Variants in RNF213 observed in about 807,000 individuals in gnomAD.
RNF213 encodes the protein ring finger protein 213.
A neutral mutation model predicts 514.4 loss-of-function variants in RNF213; 341 were observed. That is an observed-to-expected ratio of 0.66 (90% CI 0.61 to 0.73). RNF213 has a LOEUF of 0.73. Among genes scored for constraint, RNF213 ranks in the 30% least tolerant of loss-of-function variants. The pLI is 0.00. For missense variants in RNF213, 5,767 were observed against 6,615.6 expected (o/e 0.87, Z 4.45); for synonymous variants, 2,655 against 2,658.2 (o/e 1.00, Z 0.04).
Position 80,354,592 on chromosome 17 carries a change from G to C in RNF213, c.10862+16G>C. On this transcript the variant is annotated intron_variant, in intron 36 of 67. Coordinates refer to ENST00000582970, the MANE Select transcript of RNF213 (RefSeq NM_001256071.3). ...GCACATTCAGGTACTGTGACTAAAGGAAGCAAGGAGTGGCTCCAATCTGGT... is the reference window on the plus strand; with the variant it reads ...GCACATTCAGGTACTGTGACTAAAGCAAGCAAGGAGTGGCTCCAATCTGGT... 6.2e-7 allele frequency: 1 copy of C among 1,614,048 alleles called. No individual in the cohort carries two copies. Among genetic ancestry groups the C allele is most frequent in the South Asian group, 1.1e-5 (1 of 91,078 alleles).
chr17:80,370,456 A>G (rs187502526), intron 46 of RNF213, among the ~76,000 whole-genome samples: 17 of 152,312 alleles, frequency 1.1e-4, no homozygotes, highest in Non-Finnish European at 1.6e-4. Context: ...TTTTTAAAAA[A>G]CATGTTGATA....
rs370354970 is a variant in RNF213, at chr17:80,263,180, C to G, written c.-108-394C>G. 1.8e-4 allele frequency among the ~76,000 whole-genome samples: 27 copies of G among 152,302 alleles called. No individual in the cohort carries two copies. Among genetic ancestry groups the G allele is most frequent in the East Asian group, 1.5e-3 (8 of 5,186 alleles). ...TGTGGATGGCAGCCTCCCCCCATTA[C>G]TAGGAATCTGACTGCCAGCCCAGTA... On this transcript the variant is annotated intron_variant, in intron 1 of 67. Coordinates refer to ENST00000582970, the MANE Select transcript of RNF213 (RefSeq NM_001256071.3). This position sits in a 1 kb window ranked among gnomAD's most constrained non-coding sequence, Gnocchi z 4.9.
At chr17:80,300,274 T>G (rs2045128244) in intron 11 of RNF213, among the ~76,000 whole-genome samples, 1 of 152,164 alleles carries the variant, frequency 6.6e-6, no homozygotes, top group Admixed American at 6.5e-5. Flanking sequence ...CACTGTTTTT[T>G]TTTTTTAAGA....
intron 11 of RNF213, among the ~76,000 whole-genome samples, chr17:80,302,132 G>T (rs1251927064): frequency 1.3e-5 from 2 of 152,214 alleles, no homozygotes; most frequent in African/African-American, 4.8e-5. Context: ...GGCGAGGAAG[G>T]ATGGGGAGAG....
At chr17:80,328,617 G>C (rs2046338460) in intron 20 of RNF213, 140 bp downstream of exon 20, 10 of 737,014 alleles carry the variant, frequency 1.4e-5, no homozygotes, top group Non-Finnish European at 2.1e-5. Flanking sequence ...TTTGCTGGGG[G>C]GATCGCTTTC....
At chr17:80,391,883 G>C (rs759486964) in intron 67 of RNF213, among the ~76,000 whole-genome samples, 1 of 142,986 alleles carries the variant, frequency 7.0e-6, no homozygotes, top group Non-Finnish European at 1.5e-5. Context: ...CGATTCTCCT[G>C]CCTCAGCCTC....
chr17:80,363,956 G>C (rs914260208), intron 41 of RNF213, among the ~76,000 whole-genome samples, 166 bp downstream of exon 41: 4 of 152,246 alleles, frequency 2.6e-5, no homozygotes, highest in African/African-American at 9.6e-5. Flanking sequence ...GTGAGTGCCA[G>C]GCGTCTCATT....
intron 14 of RNF213, among the ~76,000 whole-genome samples, chr17:80,311,450 G>A (rs2045569733): frequency 6.6e-6 from 1 of 152,186 alleles, no homozygotes; most frequent in Non-Finnish European, 1.5e-5. Context: ...CCATTGGGGG[G>A]ACCTTCAGCA....
chr17:80,353,189 A>G lies in RNF213; in HGVS notation c.10423+130A>G. 2 of 1,266,182 alleles carry G rather than the reference A, an allele frequency of 1.6e-6. No individual in the cohort carries two copies. The highest frequency in any genetic ancestry group is 2.5e-5 in the South Asian group (2 of 79,214). 78.4% of individuals were successfully genotyped at this position (1,266,182 alleles called of 1,614,324 possible). ...CGTCCCTCGGCAGGAGCTCGGGGAC[A>G]CATCTGCAGAACTGACTGGTGGCTC... On this transcript the variant is annotated intron_variant, in intron 33 of 67. Transcript: ENST00000582970. The surrounding 1 kb of genome is among the most constrained non-coding windows in gnomAD (Gnocchi z 5.0).
Position 80,379,605 on chromosome 17 carries a change from C to T in RNF213, c.13546-15C>T. On this transcript the variant is annotated splice_polypyrimidine_tract_variant and intron_variant, in intron 54 of 67. Coordinates refer to ENST00000582970, the MANE Select transcript of RNF213 (RefSeq NM_001256071.3). ...CTGCTCCAGAAGTGGTTCTAGTGCC[C>T]TGTCTTCACCCTAGTGTGGCAGGCC... 1 of 1,612,920 alleles carries T rather than the reference C, an allele frequency of 6.2e-7. No homozygotes were observed. The highest frequency in any genetic ancestry group is 8.5e-7 in the Non-Finnish European group (1 of 1,178,904).
At chr17:80,294,621 C>T in intron 8 of RNF213, 99 bp from the exon 9 acceptor site, 1 of 1,422,060 alleles carries the variant, frequency 7.0e-7, no homozygotes, top group South Asian at 1.2e-5. Flanking sequence ...CCATTTACTC[C>T]ATATCTGTAC....
chr17:80,376,804 C>G lies in RNF213; in HGVS notation c.13429-78C>G, dbSNP rs572380913. On this transcript the variant is annotated intron_variant, in intron 52 of 67. Coordinates refer to ENST00000582970, the MANE Select transcript of RNF213 (RefSeq NM_001256071.3). The stretch of plus-strand genomic sequence containing the variant: ...GGAAAGCAGAGTTCCCTTTCTTCCT[C>G]TAGGCCTCCTGCTGAGCAGCAGCAC... 1.1e-3 allele frequency: 1,495 copies of G among 1,302,134 alleles called. 2 individuals carry two copies. The highest frequency in any genetic ancestry group is 1.9e-3 in the Admixed American group (102 of 53,622). The allele number at this position is 1,302,134 out of a possible 1,614,324, so 80.7% of individuals were successfully genotyped here.
At chr17:80,372,072 T>C in intron 47 of RNF213, 87 bp downstream of exon 47, 1 of 823,642 alleles carries the variant, frequency 1.2e-6, no homozygotes, top group Non-Finnish European at 2.1e-6. Context: ...TTTTAGTCAG[T>C]ATAATTAACG....
At chr17:80,331,845 G>A (rs888846683) in intron 20 of RNF213, among the ~76,000 whole-genome samples, 161 bp from the exon 21 acceptor site, 2 of 152,224 alleles carry the variant, frequency 1.3e-5, no homozygotes, top group Non-Finnish European at 1.5e-5. Context: ...GGCCAAGCGG[G>A]GAGGGAAAGA....
In RNF213 at chr17:80,377,278, C is replaced by T. The variant is rs1599179229; in HGVS notation, c.13510+315C>T. ...CCACATCAGAGACGCATTCAAAGGC[C>T]CACCACAAAACAAAGTTTTTGACAC... is the stretch of plus-strand genomic sequence containing the variant. On this transcript the variant is annotated intron_variant, in intron 53 of 67. Coordinates refer to ENST00000582970, the MANE Select transcript of RNF213 (RefSeq NM_001256071.3). The surrounding 1 kb of genome is among the most constrained non-coding windows in gnomAD (Gnocchi z 4.1). The T allele has an allele frequency of 3.0e-5, 13 of 431,918 alleles. No individual in the cohort carries two copies. In the South Asian group the frequency reaches 3.0e-4, roughly 10 times the overall value. 26.8% of individuals were successfully genotyped at this position (431,918 alleles called of 1,614,324 possible). A position where few individuals can be genotyped will look rare whatever the true frequency, so the allele number is the denominator to read the frequency against.
At chr17:80,300,958 G>T (rs1211749756) in intron 11 of RNF213, among the ~76,000 whole-genome samples, 1 of 152,070 alleles carries the variant, frequency 6.6e-6, no homozygotes, top group East Asian at 1.9e-4. Context: ...GTCTGTTCAT[G>T]TCCTTTGCCC....
intron 17 of RNF213, 111 bp downstream of exon 17, chr17:80,319,423 A>G (rs1490024202): frequency 1.2e-6 from 2 of 1,614,170 alleles, no homozygotes. Context: ...CCGCTAACTC[A>G]GAGATTGGGA....
At position 80,361,726 on chromosome 17, in the gene RNF213, C is replaced by G; in HGVS notation, c.11201-8C>G. ...ACTCCAGGCCGCTCCTTGGTTTCCTCTCTGCAGGACTGCCCAAGAAGTTCG... is the reference window on the plus strand; with the variant it reads ...ACTCCAGGCCGCTCCTTGGTTTCCTGTCTGCAGGACTGCCCAAGAAGTTCG... On this transcript the variant is annotated splice_polypyrimidine_tract_variant and splice_region_variant and intron_variant, in intron 38 of 67. Coordinates refer to ENST00000582970, the MANE Select transcript of RNF213 (RefSeq NM_001256071.3). 6.2e-7 allele frequency: 1 copy of G among 1,612,954 alleles called. No individual in the cohort carries two copies. The highest frequency in any genetic ancestry group is 8.5e-7 in the Non-Finnish European group (1 of 1,179,404).
At chr17:80,279,039 G>A (rs1386782649) in intron 3 of RNF213, 35 of 1,227,786 alleles carry the variant, frequency 2.9e-5, no homozygotes, top group Admixed American at 1.3e-4. Flanking sequence ...CAGGATGGGC[G>A]TTTTCGGGTC....
Sources: gnomAD v4.1 joint callset for allele counts (sites outside exome capture counted in the v4.1 genomes callset) on GRCh38, gnomAD v4.1.1 for gene constraint, Gnocchi (gnomAD v3.1) non-coding constraint, MANE v1.5 for transcripts, NCBI Gene and HGNC (gene_info 2026-07-23, HGNC 2026-07-21) for gene names.